The following HHIPL1 variants were observed in gnomAD, a reference collection of about 807,000 sequenced individuals.
HHIPL1 encodes HHIP like 1, also known as HHIP-like protein 1.
In HHIPL1, 43 loss-of-function variants were observed where a neutral mutation model predicts 61.8. That is an observed-to-expected ratio of 0.70 (90% CI 0.55 to 0.90). The LOEUF (loss-of-function observed/expected upper bound fraction) is 0.90, where lower values mean the gene tolerates loss of function less well. Among genes scored for constraint, HHIPL1 ranks in the 40% least tolerant of loss-of-function variants. HHIPL1 has a pLI of 0.00. For synonymous variants in HHIPL1, 482 were observed against 515.8 expected (o/e 0.93, Z 0.89); for missense variants, 1,056 against 1,157.7 (o/e 0.91, Z 1.28).
Position 99,675,178 on chromosome 14 carries a change from CCCCCGCGCCAA to C in HHIPL1, c.1909_1919del (p.Pro637AlafsTer177). Reference sequence around the variant, plus strand: ...CGCCGAGGGCGCCCCACGGCCGCTCCCCCCGCGCCAACCCCGCGGCCAGCGCGGCCCACCCA... The same window carrying C: ...CGCCGAGGGCGCCCCACGGCCGCTCCCCCCGCGGCCAGCGCGGCCCACCCA... On this transcript the variant is annotated frameshift_variant, in exon 9 of 9. Coordinates refer to ENST00000330710, the MANE Select transcript of HHIPL1 (RefSeq NM_001127258.3). LOFTEE classifies it low-confidence loss of function (END_TRUNC). This position sits in a 1 kb window ranked among gnomAD's most constrained non-coding sequence, Gnocchi z 5.4. 1 of 1,125,680 alleles carries C rather than the reference CCCCCGCGCCAA, an allele frequency of 8.9e-7. No homozygotes were observed. Among genetic ancestry groups the C allele is most frequent in the Non-Finnish European group, 1.1e-6 (1 of 912,868 alleles). The allele number at this position is 1,125,680 out of a possible 1,614,324, so 69.7% of individuals were successfully genotyped here.
At chr14:99,646,157 G>C (rs974094838) in intron 1 of HHIPL1, among the ~76,000 whole-genome samples, 1 of 152,282 alleles carries the variant, frequency 6.6e-6, no homozygotes, top group Admixed American at 6.5e-5. Context: ...TGCACACCTG[G>C]TGGTGCCACC....
At chr14:99,659,839 A>C (rs1158659575) in intron 4 of HHIPL1, 83 bp downstream of exon 4, 6 of 381,814 alleles carry the variant, frequency 1.6e-5, no homozygotes, top group African/African-American at 8.2e-5. Flanking sequence ...CCTCCCTCGG[A>C]GACCGCACCC....
rs185852058 is a variant in HHIPL1, at chr14:99,661,969, G to A, written c.1503-907G>A. On this transcript the variant is annotated intron_variant, in intron 5 of 8. Transcript: ENST00000330710. ...TCTCCCAGATCCGCCCCTTCCCCGGGGACCCAGCTTTCCCATCTGGAAAAT... is the reference window on the plus strand; with the variant it reads ...TCTCCCAGATCCGCCCCTTCCCCGGAGACCCAGCTTTCCCATCTGGAAAAT... 5.3e-5 allele frequency among the ~76,000 whole-genome samples: 8 copies of A among 152,202 alleles called. No individual in the cohort carries two copies. The East Asian group carries it at 1.5e-3, about 29-fold the overall frequency.
intron 6 of HHIPL1, among the ~76,000 whole-genome samples, chr14:99,665,768 T>C (rs1021703828): frequency 6.6e-6 from 1 of 151,652 alleles, no homozygotes; most frequent in African/African-American, 2.4e-5. Context: ...ATTGTTGTTG[T>C]TGTGGGATTT....
chr14:99,608,662 C>T, the HHIPL1 span, among the ~76,000 whole-genome samples: 1 of 152,160 alleles, frequency 6.6e-6, no homozygotes, highest in Non-Finnish European at 1.5e-5. Context: ...AAGTCAGGGT[C>T]CACTGAAAAG....
At chr14:99,654,123 AG>A (rs1446591646) in intron 2 of HHIPL1, among the ~76,000 whole-genome samples, 1 of 139,330 alleles carries the variant, frequency 7.2e-6, no homozygotes. Flanking sequence ...CAGGAGGCAG[AG>A]GTTGCAGTGA....
rs372901043 is a variant in HHIPL1 at position 99,645,348 on chromosome 14, C to T, written c.141C>T (p.Cys47=). ...GCGCGCAGTACTCGGACTTCGGCTG[C>T]TGCGATGAGGGGCGCGACGCCGAGC... The part of the protein sequence containing the change: ...RLCAQYSDFG[C]CDEGRDAELT... The change falls in exon 1 of 9, where the codon TGC becomes TGT. Residue 47 remains cysteine (C), a synonymous_variant. Transcript: ENST00000330710. 3.1e-4 allele frequency: 450 copies of T among 1,453,112 alleles called. 1 individual carries two copies. In the African/African-American group the frequency reaches 4.9e-3, roughly 16 times the overall value. 90.0% of individuals were successfully genotyped at this position (1,453,112 alleles called of 1,614,324 possible).
chr14:99,637,600 G>A, the HHIPL1 span, among the ~76,000 whole-genome samples: 3 of 151,874 alleles, frequency 2.0e-5, no homozygotes, highest in African/African-American at 7.3e-5. Flanking sequence ...AAAGAAAAGT[G>A]TCACAAGAGA....
chr14:99,609,834 G>T, the HHIPL1 span, among the ~76,000 whole-genome samples: 1 of 152,216 alleles, frequency 6.6e-6, no homozygotes, highest in Non-Finnish European at 1.5e-5. Flanking sequence ...GGCCTCACAT[G>T]TTGACAAAAA....
At chr14:99,628,854 CCCA>C in the HHIPL1 span, among the ~76,000 whole-genome samples, 1 of 152,176 alleles carries the variant, frequency 6.6e-6, no homozygotes, top group Admixed American at 6.5e-5. Context: ...ACCTGCTCTG[CCCA>C]CTGTGAAGGG....
the HHIPL1 span, among the ~76,000 whole-genome samples, chr14:99,628,359 C>T: frequency 6.6e-6 from 1 of 152,162 alleles, no homozygotes; most frequent in South Asian, 2.1e-4. Flanking sequence ...ACGGGTGAAT[C>T]ACCTGAGGTC....
At position 99,660,566 on chromosome 14, in the gene HHIPL1, G is replaced by T. The variant is rs2056136153; in HGVS notation, c.1502+160G>T. On this transcript the variant is annotated intron_variant, in intron 5 of 8. Coordinates refer to ENST00000330710, the MANE Select transcript of HHIPL1 (RefSeq NM_001127258.3). The surrounding 1 kb of genome is among the most constrained non-coding windows in gnomAD (Gnocchi z 4.9). ...GTGGGCCGGACACCCGCATCCACCCGCTTTTCTCCTGAGATGTATGGTGAG... is the reference window on the plus strand; with the variant it reads ...GTGGGCCGGACACCCGCATCCACCCTCTTTTCTCCTGAGATGTATGGTGAG... 6.6e-6 allele frequency among the ~76,000 whole-genome samples: 1 copy of T among 152,158 alleles called. No homozygotes were observed. Among genetic ancestry groups the T allele is most frequent in the Non-Finnish European group, 1.5e-5 (1 of 68,030 alleles).
At chr14:99,613,955 C>G in the HHIPL1 span, among the ~76,000 whole-genome samples, 1 of 151,946 alleles carries the variant, frequency 6.6e-6, no homozygotes, top group African/African-American at 2.4e-5. Context: ...AGCATAGAGC[C>G]TGGGAACTCA....
At chr14:99,644,736 G>A (rs1410910443), upstream of HHIPL1, among the ~76,000 whole-genome samples, 1 of 152,134 alleles carries the variant, frequency 6.6e-6, no homozygotes, top group African/African-American at 2.4e-5. Context: ...AGAGTCCTGG[G>A]GCAACACCCC....
At chr14:99,605,098 A>G in the HHIPL1 span, among the ~76,000 whole-genome samples, 1 of 152,124 alleles carries the variant, frequency 6.6e-6, no homozygotes, top group Non-Finnish European at 1.5e-5. Context: ...CCCTGCCCGG[A>G]GCGGCGCTCG....
intron 7 of HHIPL1, among the ~76,000 whole-genome samples, chr14:99,670,246 G>A (rs1249659238): frequency 6.6e-6 from 1 of 152,028 alleles, no homozygotes; most frequent in Non-Finnish European, 1.5e-5. Flanking sequence ...CGAGTAGCTG[G>A]GACTACAGGT....
intron 7 of HHIPL1, among the ~76,000 whole-genome samples, chr14:99,669,590 T>C (rs1030813153): frequency 6.6e-6 from 1 of 152,188 alleles, no homozygotes; most frequent in Non-Finnish European, 1.5e-5. Flanking sequence ...AAAAATTAAT[T>C]AATTTTACAA....
intron 6 of HHIPL1, among the ~76,000 whole-genome samples, chr14:99,665,984 G>A (rs1175608123): frequency 6.6e-6 from 1 of 151,926 alleles, no homozygotes; most frequent in African/African-American, 2.4e-5. Context: ...GTTTCACCAT[G>A]TTGGCCAGGC....
chr14:99,643,454 T>C (rs1453763310), upstream of HHIPL1, among the ~76,000 whole-genome samples: 1 of 152,226 alleles, frequency 6.6e-6, no homozygotes. Flanking sequence ...TGAGGATTTA[T>C]GTTACTCTGG....
Sources: gnomAD v4.1 joint callset for allele counts (sites outside exome capture counted in the v4.1 genomes callset) on GRCh38, gnomAD v4.1.1 for gene constraint, Gnocchi (gnomAD v3.1) non-coding constraint, MANE v1.5 for transcripts, NCBI Gene and HGNC (gene_info 2026-07-23, HGNC 2026-07-21) for gene names.